ARHGAP20: variants seen among roughly 807,000 people sequenced by gnomAD.
ARHGAP20 encodes the protein Rho GTPase activating protein 20, also known as rho GTPase-activating protein 20.
In ARHGAP20, 34 loss-of-function variants were observed where a neutral mutation model predicts 73.7. The observed-to-expected ratio is 0.46, with a 90% CI of 0.35 to 0.61. The LOEUF (loss-of-function observed/expected upper bound fraction) is 0.61. Among genes scored for constraint, ARHGAP20 ranks in the 20% least tolerant of loss-of-function variants. The pLI is 0.00. For missense variants in ARHGAP20, 1,314 were observed against 1,420.9 expected, an observed-to-expected ratio of 0.92 and a Z score of 1.21; for synonymous variants, 523 against 518.2, an observed-to-expected ratio of 1.01 and a Z score of -0.13.
At position 110,590,820 on chromosome 11, in the gene ARHGAP20, G is replaced by A. The variant is rs7950958; in HGVS notation, c.1144-11C>T. ...AAAGAAAAGCATATCCTATGGGGAA[G>A]CAAAGGAAAATAAACAAAATGACAC... On this transcript the variant is annotated splice_polypyrimidine_tract_variant and intron_variant, in intron 10 of 14. Coordinates refer to ENST00000683387, the MANE Select transcript of ARHGAP20 (RefSeq NM_001384657.1). The A allele has an allele frequency of 2.1e-3, 3,420 of 1,608,166 alleles. 57 individuals are homozygous for A. In the African/African-American group the frequency reaches 0.038, roughly 18 times the overall value.
At chr11:110,629,376 C>T (rs1174129315) in intron 3 of ARHGAP20, among the ~76,000 whole-genome samples, 1 of 152,058 alleles carries the variant, frequency 6.6e-6, no homozygotes, top group Non-Finnish European at 1.5e-5. Flanking sequence ...TTGTGATTCT[C>T]CTATTATAAT....
At chr11:110,703,421 C>T (rs1950495112) in intron 1 of ARHGAP20, among the ~76,000 whole-genome samples, 1 of 151,832 alleles carries the variant, frequency 6.6e-6, no homozygotes, top group African/African-American at 2.4e-5. Context: ...CTCAGATTTT[C>T]TCTAAAATGG....
intron 2 of ARHGAP20, among the ~76,000 whole-genome samples, chr11:110,678,863 C>T (rs1238026168): frequency 2.0e-5 from 3 of 152,072 alleles, no homozygotes; most frequent in Non-Finnish European, 4.4e-5. Flanking sequence ...CAGGGTTTTA[C>T]CACGTTGCCC....
intron 2 of ARHGAP20, among the ~76,000 whole-genome samples, chr11:110,682,466 T>C (rs2135096884): frequency 6.6e-6 from 1 of 152,294 alleles, no homozygotes; most frequent in South Asian, 2.1e-4. Context: ...CAATTTGGTT[T>C]CAGAGTCTAT....
intron 1 of ARHGAP20, among the ~76,000 whole-genome samples, chr11:110,698,861 AC>A (rs773565424): frequency 1.3e-5 from 2 of 151,716 alleles, no homozygotes; most frequent in Non-Finnish European, 1.5e-5. Context: ...CTTTCAAATA[AC>A]CAACTTTTTG....
intron 2 of ARHGAP20, among the ~76,000 whole-genome samples, chr11:110,645,536 T>C (rs1176336584): frequency 2.0e-5 from 3 of 152,172 alleles, no homozygotes; most frequent in African/African-American, 7.2e-5. Context: ...TGTCAACTAA[T>C]TCAGCTACTG....
intron 1 of ARHGAP20, among the ~76,000 whole-genome samples, chr11:110,711,173 C>G (rs1011784926): frequency 2.0e-5 from 3 of 152,160 alleles, no homozygotes; most frequent in Non-Finnish European, 4.4e-5. Context: ...GGGAACCGTT[C>G]CAGCGAAACC....
intron 11 of ARHGAP20, among the ~76,000 whole-genome samples, chr11:110,588,838 G>A (rs973683587): frequency 2.6e-5 from 4 of 152,084 alleles, no homozygotes; most frequent in African/African-American, 9.7e-5. Flanking sequence ...TTGGGAGGCC[G>A]AGGCGGGCGG....
intron 2 of ARHGAP20, among the ~76,000 whole-genome samples, chr11:110,656,577 C>T (rs958267753): frequency 1.3e-4 from 20 of 152,124 alleles, no homozygotes; most frequent in Non-Finnish European, 2.4e-4. Context: ...TTTGCTTCTA[C>T]CTCTCCCCAG....
intron 2 of ARHGAP20, among the ~76,000 whole-genome samples, chr11:110,649,201 CTTTTT>C (rs869156175): frequency 4.6e-5 from 4 of 87,116 alleles, no homozygotes; most frequent in Non-Finnish European, 6.5e-5. Flanking sequence ...ATTATTAAAC[CTTTTT>C]TTTTTTTTTT....
chr11:110,670,597 C>A (rs1039755893), intron 2 of ARHGAP20, among the ~76,000 whole-genome samples: 2 of 152,052 alleles, frequency 1.3e-5, no homozygotes, highest in African/African-American at 4.8e-5. Flanking sequence ...CAAAACTCAA[C>A]CCTAGATAAC....
At chr11:110,641,218 A>T (rs1949071088) in intron 2 of ARHGAP20, among the ~76,000 whole-genome samples, 1 of 152,110 alleles carries the variant, frequency 6.6e-6, no homozygotes, top group African/African-American at 2.4e-5. Context: ...TAAAGACAGA[A>T]TAGAAAGATG....
chr11:110,610,451 A>G (rs1353356166), intron 7 of ARHGAP20, among the ~76,000 whole-genome samples: 2 of 152,170 alleles, frequency 1.3e-5, no homozygotes, highest in Admixed American at 1.3e-4. Context: ...TTGCTTATAT[A>G]CAGTGTACTT....
At chr11:110,584,354 TG>T (rs1458714844) in intron 12 of ARHGAP20, among the ~76,000 whole-genome samples, 2 of 151,046 alleles carry the variant, frequency 1.3e-5, no homozygotes, top group African/African-American at 4.9e-5. Context: ...GATTTGTAAA[TG>T]ATCAGTCAGC....
chr11:110,609,172 G>T, intron 7 of ARHGAP20, 122 bp from the exon 8 acceptor site: 4 of 788,980 alleles, frequency 5.1e-6, no homozygotes, highest in South Asian at 3.3e-5. Flanking sequence ...GATAGTTAGA[G>T]ATCCATGAAC....
intron 2 of ARHGAP20, among the ~76,000 whole-genome samples, chr11:110,631,211 C>G (rs763142202): frequency 4.6e-5 from 7 of 152,176 alleles, no homozygotes; most frequent in Non-Finnish European, 8.8e-5. Flanking sequence ...ATCAAATTTA[C>G]ATACAACAAA....
intron 1 of ARHGAP20, among the ~76,000 whole-genome samples, chr11:110,691,875 A>C (rs1950248712): frequency 6.6e-6 from 1 of 152,208 alleles, no homozygotes; most frequent in South Asian, 2.1e-4. Flanking sequence ...AACATTAATA[A>C]ATGACAGGAA....
intron 11 of ARHGAP20, among the ~76,000 whole-genome samples, chr11:110,589,185 AT>A (rs1947755142): frequency 6.6e-6 from 1 of 152,152 alleles, no homozygotes; most frequent in Non-Finnish European, 1.5e-5. Context: ...CTGGCTACAT[AT>A]TTTTACATAT....
chr11:110,707,312 A>G (rs1056446240), intron 1 of ARHGAP20, among the ~76,000 whole-genome samples: 1 of 152,170 alleles, frequency 6.6e-6, no homozygotes, highest in African/African-American at 2.4e-5. Context: ...CTTCCACTTC[A>G]TTAAAACTAT....
Sources: allele counts gnomAD v4.1 joint callset (sites outside exome capture counted in the v4.1 genomes callset), GRCh38; gene constraint gnomAD v4.1.1; transcripts MANE v1.5; gene names NCBI Gene and HGNC (gene_info 2026-07-23, HGNC 2026-07-21).